The following C9orf152 variants were observed in gnomAD, a reference collection of about 807,000 sequenced individuals.
C9orf152 encodes the protein chromosome 9 open reading frame 152.
C9orf152 carries 8 observed loss-of-function variants against 8.5 expected under a neutral mutation model. The observed-to-expected ratio is 0.94, with a 90% confidence interval of 0.55 to 1.70. C9orf152 has a LOEUF of 1.70. Among genes scored for constraint, C9orf152 ranks in the 40% most tolerant of loss-of-function variants. The pLI is 0.00. For synonymous variants in C9orf152, 109 were observed against 113.0 expected, an observed-to-expected ratio of 0.96 and a Z score of 0.22; for missense variants, 293 against 286.2, an observed-to-expected ratio of 1.02 and a Z score of -0.17.
At position 110,200,996 on chromosome 9, in the gene C9orf152, G is replaced by C. The variant is rs756989574; in HGVS notation, c.672C>G (p.Pro224=). Residue 224 remains proline (P), a synonymous_variant, in exon 2 of 2, where the codon CCC becomes CCG. Coordinates refer to ENST00000400613, the MANE Select transcript of C9orf152 (RefSeq NM_001012993.3). ...GGTTCCGGGCAGCTTGGGAGATCCT[G>C]GGTGTTTTCCTCTGGGGAAATGGAT... is the stretch of plus-strand genomic sequence containing the variant. ...AYYPFPQRKT[P]RISQAARNLG... 3.1e-6 allele frequency: 5 copies of C among 1,613,938 alleles called. No individual in the cohort carries two copies. In the Admixed American group the frequency reaches 8.3e-5, roughly 27 times the overall value.
chr9:110,207,562 G>A lies in C9orf152; in HGVS notation c.18C>T (p.Cys6=), dbSNP rs962218300. ...AGAAGTGGGGCAGGGCTGGGCACGGGCAGGGCAACCCCTCCATCCGGATCC... is the reference window on the plus strand; with the variant it reads ...AGAAGTGGGGCAGGGCTGGGCACGGACAGGGCAACCCCTCCATCCGGATCC... MEGLP[C]PCPALPHFWQ... is the part of the protein sequence containing the mutation. Residue 6 remains cysteine, a synonymous_variant, in exon 1 of 2, where the codon TGC becomes TGT. Transcript: ENST00000400613. The A allele has an allele frequency of 2.5e-6, 4 of 1,598,116 alleles. No individual in the cohort carries two copies. Among genetic ancestry groups the A allele is most frequent in the African/African-American group, 1.4e-5 (1 of 73,888 alleles).
At position 110,201,282 on chromosome 9, in the gene C9orf152, G is replaced by A. The variant is rs751135399; in HGVS notation, c.386C>T (p.Thr129Ile). The change falls in exon 2 of 2, where the codon ACC (threonine) becomes ATC (isoleucine). Residue 129 changes from threonine (T) to isoleucine (I), a missense_variant. Physicochemically the swap from Thr to Ile is moderately conservative, Grantham distance 89 (BLOSUM62 -1). Transcript: ENST00000400613. ...THLEMHCLVQ[T>I]SPQDTSHQVH... ...TTGATGACTGGTGTCCTGGGGGGAG[G>A]TTTGGACCAAACAATGCATCTCCAG... 2 of 1,614,056 alleles carry A rather than the reference G, an allele frequency of 1.2e-6. No homozygotes were observed. The highest frequency in any genetic ancestry group is 1.7e-5 in the Admixed American group (1 of 59,998).
chr9:110,201,037 C>T lies in C9orf152; in HGVS notation c.631G>A (p.Gly211Ser). ...PLSIKNPHRS[G>S]KPAYYPFPQR... is the part of the protein sequence containing the mutation. ...GGAAATGGATAGTAAGCTGGTTTGC[C>T]AGACCTGTGTGGGTTCTTTATGGAA... Residue 211 changes from glycine to serine, a missense_variant, in exon 2 of 2, where the codon GGC becomes AGC. Physicochemically the swap from Gly to Ser is moderately conservative, Grantham distance 56. Transcript: ENST00000400613. 3 of 1,614,200 alleles carry T rather than the reference C, an allele frequency of 1.9e-6. No individual in the cohort carries two copies. The highest frequency in any genetic ancestry group is 2.5e-6 in the Non-Finnish European group (3 of 1,180,046).
chr9:110,205,028 C>T (rs749409340), intron 1 of C9orf152, among the ~76,000 whole-genome samples: 22 of 152,184 alleles, frequency 1.4e-4, no homozygotes, highest in Non-Finnish European at 3.2e-4. Context: ...ATTTCCTCCT[C>T]TTGTTCCTTA....
At chr9:110,207,293 G>C in intron 1 of C9orf152, 94 bp downstream of exon 1, 1 of 1,396,672 alleles carries the variant, frequency 7.2e-7, no homozygotes, top group South Asian at 1.2e-5. Flanking sequence ...CTGGGAGGGA[G>C]GGCTGGCAAA....
In C9orf152 at chr9:110,199,777, G is replaced by A. The variant is rs1837189572; in HGVS notation, c.*1171C>T. On this transcript the variant is annotated 3_prime_UTR_variant, in exon 2 of 2. Transcript: ENST00000400613. ...CGGCCATGCAGAGAAAAGAAAGGTGGGAGTGAAACTTTACAGAGAAAGCAC... is the reference window on the plus strand; with the variant it reads ...CGGCCATGCAGAGAAAAGAAAGGTGAGAGTGAAACTTTACAGAGAAAGCAC... The A allele has an allele frequency of 6.6e-6, 1 of 152,038 alleles. No individual in the cohort carries two copies. The highest frequency in any genetic ancestry group is 1.5e-5 in the Non-Finnish European group (1 of 68,020). 9.4% of individuals were successfully genotyped at this position (152,038 alleles called of 1,614,324 possible).
In C9orf152 at chr9:110,208,016, A is replaced by C; in HGVS notation, c.-437T>G. On this transcript the variant is annotated 5_prime_UTR_variant, in exon 1 of 2. Transcript: ENST00000400613. ...AGGGGAGGACTGGGGGAGCAAAGAG[A>C]AAGGCAAGCCCAGCTGCTCAGAGCC... is the stretch of plus-strand genomic sequence containing the variant. 1 of 177,446 alleles carries C rather than the reference A, an allele frequency of 5.6e-6. No individual in the cohort carries two copies. The highest frequency in any genetic ancestry group is 1.3e-4 in the South Asian group (1 of 7,480). The allele number at this position is 177,446 out of a possible 1,614,324, so 11.0% of individuals were successfully genotyped here.
rs959557858 is a variant in C9orf152 at position 110,207,435 on chromosome 9, A to G, written c.145T>C (p.Leu49=). ...IQFLRAQYEG[L]KRQQRTQAHL... ...GCCTGGGTCCTCTGCTGCCTCTTCAAGCCTTCATACTGGGCTCGCAGGAAC... is the reference window on the plus strand; with the variant it reads ...GCCTGGGTCCTCTGCTGCCTCTTCAGGCCTTCATACTGGGCTCGCAGGAAC... Residue 49 remains leucine (L), a synonymous_variant, in exon 1 of 2, where the codon TTG becomes CTG. Transcript: ENST00000400613. 6.2e-7 allele frequency: 1 copy of G among 1,613,416 alleles called. No homozygotes were observed. The highest frequency in any genetic ancestry group is 8.5e-7 in the Non-Finnish European group (1 of 1,179,668).
intron 1 of C9orf152, among the ~76,000 whole-genome samples, chr9:110,203,672 A>G (rs1837245031): frequency 6.6e-6 from 1 of 152,174 alleles, no homozygotes; most frequent in Admixed American, 6.5e-5. Flanking sequence ...GAAATTTCGT[A>G]TCATGTTTTT....
chr9:110,207,348 T>C (rs771351605), intron 1 of C9orf152, 39 bp downstream of exon 1: 4 of 1,588,012 alleles, frequency 2.5e-6, no homozygotes, highest in Non-Finnish European at 3.4e-6. Context: ...AGGTCTCCCA[T>C]GGTAAGTCTC....
chr9:110,206,617 G>C (rs1032104344), intron 1 of C9orf152, among the ~76,000 whole-genome samples: 1 of 152,220 alleles, frequency 6.6e-6, no homozygotes, highest in East Asian at 1.9e-4. Context: ...GCCCTAGACA[G>C]AGAGGTCCCT....
At position 110,201,487 on chromosome 9, in the gene C9orf152, T is replaced by C. The variant is rs1178038277; in HGVS notation, c.194-13A>G. The C allele has an allele frequency of 6.7e-7, 1 of 1,502,558 alleles. No individual in the cohort carries two copies. The highest frequency in any genetic ancestry group is 2.3e-5 in the Admixed American group (1 of 43,822). The allele number at this position is 1,502,558 out of a possible 1,614,324, so 93.1% of individuals were successfully genotyped here. On this transcript the variant is annotated splice_polypyrimidine_tract_variant and intron_variant, in intron 1 of 1. Transcript: ENST00000400613. ...GGTGTGTTTCCTCCTGAAAAGAGAA[T>C]GCACCAGCAGGGTCATCACTGGAAG...
In C9orf152 at chr9:110,201,172, T is replaced by A. The variant is rs372134658; in HGVS notation, c.496A>T (p.Thr166Ser). The A allele has an allele frequency of 9.3e-6, 15 of 1,614,070 alleles. No individual in the cohort carries two copies. Among genetic ancestry groups the A allele is most frequent in the Non-Finnish European group, 1.3e-5 (15 of 1,180,052 alleles). ...TCTGGGATTCCGGTTCCTTGCTGAG[T>A]CATCTGATTGGTTTCAAACAAGTGT... ...DTHLFETNQMTQQGTGIPEAA... is the reference protein window; with the variant it reads ...DTHLFETNQMSQQGTGIPEAA... Residue 166 changes from threonine (T) to serine (S), a missense_variant, in exon 2 of 2, where the codon ACT becomes TCT. Thr to Ser is a moderately conservative substitution (Grantham distance 58). Transcript: ENST00000400613.
chr9:110,200,897 A>G lies in C9orf152; in HGVS notation c.*51T>C. ...GTGGCTCTGCCTCCTTGGTTCTTCT[A>G]TAAGGCCATAGGTGGCCTCAAGGTC... On this transcript the variant is annotated 3_prime_UTR_variant, in exon 2 of 2. Coordinates refer to ENST00000400613, the MANE Select transcript of C9orf152 (RefSeq NM_001012993.3). 3.3e-6 allele frequency: 5 copies of G among 1,519,106 alleles called. No individual in the cohort carries two copies. Among genetic ancestry groups the G allele is most frequent in the African/African-American group, 1.4e-5 (1 of 71,848 alleles). 94.1% of individuals were successfully genotyped at this position (1,519,106 alleles called of 1,614,324 possible). A position where few individuals can be genotyped will look rare whatever the true frequency, so the allele number is the denominator to read the frequency against.
chr9:110,205,202 G>C (rs1304148165), intron 1 of C9orf152, among the ~76,000 whole-genome samples: 4 of 152,108 alleles, frequency 2.6e-5, no homozygotes, highest in Admixed American at 1.3e-4. Flanking sequence ...CTGGATGGAA[G>C]GTCTACAGGC....
At chr9:110,206,427 G>A (rs1186813987) in intron 1 of C9orf152, among the ~76,000 whole-genome samples, 1 of 152,238 alleles carries the variant, frequency 6.6e-6, no homozygotes, top group East Asian at 1.9e-4. Flanking sequence ...CCTCAAGGGT[G>A]GGATAGAGCT....
At chr9:110,202,377 TCGGC>T (rs1837233821) in intron 1 of C9orf152, among the ~76,000 whole-genome samples, 1 of 152,042 alleles carries the variant, frequency 6.6e-6, no homozygotes, top group African/African-American at 2.4e-5. Flanking sequence ...GCCACTGCGC[TCGGC>T]TGTGTCCTGG....
At chr9:110,205,199 G>A (rs1402492163) in intron 1 of C9orf152, among the ~76,000 whole-genome samples, 2 of 152,126 alleles carry the variant, frequency 1.3e-5, no homozygotes, top group Non-Finnish European at 2.9e-5. Flanking sequence ...AGGCTGGATG[G>A]AAGGTCTACA....
rs780933917 is a variant in C9orf152 at position 110,201,125 on chromosome 9, C to A, written c.543G>T (p.Gln181His). ...CTGCCTTTGTTTGGGTATTGCCCACCTGGCATGGAAGCTGGGCAGCCTCTG... is the reference window on the plus strand; with the variant it reads ...CTGCCTTTGTTTGGGTATTGCCCACATGGCATGGAAGCTGGGCAGCCTCTG... ...GIPEAAQLPCQVGNTQTKAVE... is the reference protein window; with the variant it reads ...GIPEAAQLPCHVGNTQTKAVE... The change falls in exon 2 of 2, where the codon CAG becomes CAT. Residue 181 changes from glutamine to histidine, a missense_variant. By Grantham distance (24) the Gln-to-His change is conservative. Transcript: ENST00000400613. 1.9e-6 allele frequency: 3 copies of A among 1,614,230 alleles called. No individual in the cohort carries two copies. Among genetic ancestry groups the A allele is most frequent in the Admixed American group, 3.3e-5 (2 of 60,030 alleles).
Sources: gnomAD v4.1 joint callset for allele counts (sites outside exome capture counted in the v4.1 genomes callset) on GRCh38, gnomAD v4.1.1 for gene constraint, MANE v1.5 for transcripts, NCBI Gene and HGNC (gene_info 2026-07-23, HGNC 2026-07-21) for gene names.